PRKAR1A: variants seen among roughly 807,000 people sequenced by gnomAD.
The protein encoded by PRKAR1A is protein kinase cAMP-dependent type I regulatory subunit alpha.
Under a neutral mutation model 52.0 loss-of-function variants are expected in PRKAR1A, and 3 were observed. The ratio of observed to expected loss-of-function variants is 0.06; its 90% CI spans 0.03 to 0.15. The LOEUF (loss-of-function observed/expected upper bound fraction) is 0.15, where lower values mean the gene tolerates loss of function less well. Among genes scored for constraint, PRKAR1A ranks in the 10% least tolerant of loss-of-function variants. The probability of loss-of-function intolerance (pLI) is 1.00; values close to 1 mark genes in which losing one functional copy is unlikely to be tolerated. For synonymous variants in PRKAR1A, 188 were observed against 168.4 expected, an observed-to-expected ratio of 1.12 and a Z score of -0.90; for missense variants, 240 against 477.4, an observed-to-expected ratio of 0.50 and a Z score of 4.63.
chr17:68,442,408 T>C, the PRKAR1A span, among the ~76,000 whole-genome samples: 1 of 145,650 alleles, frequency 6.9e-6, no homozygotes, highest in East Asian at 2.0e-4. Context: ...AAGGTTGCAG[T>C]GAGCTGAGAT....
At chr17:68,530,087 TCTC>T (rs773095978) in intron 10 of PRKAR1A, 86 bp downstream of exon 10, 55 of 1,528,230 alleles carry the variant, frequency 3.6e-5, no homozygotes, top group Non-Finnish European at 4.7e-5. Context: ...AATTTTGTCT[TCTC>T]CTGAATTTTA....
chr17:68,460,901 G>A, the PRKAR1A span, among the ~76,000 whole-genome samples: 2 of 152,190 alleles, frequency 1.3e-5, no homozygotes, highest in South Asian at 2.1e-4. Flanking sequence ...CAAGGGCAAG[G>A]TTATAAATAA....
At chr17:68,525,254 C>A (rs1184530495) in intron 6 of PRKAR1A, among the ~76,000 whole-genome samples, 2 of 141,300 alleles carry the variant, frequency 1.4e-5, no homozygotes, top group Admixed American at 1.5e-4. Flanking sequence ...CCCAGGAGTT[C>A]AAGACCAGCC....
the PRKAR1A span, chr17:68,435,581 G>A: frequency 6.2e-6 from 10 of 1,600,316 alleles, no homozygotes; most frequent in Middle Eastern, 1.8e-4. Context: ...GAGCCATCCA[G>A]CGAAACCCAG....
intron 11 of PRKAR1A, among the ~76,000 whole-genome samples, chr17:68,550,675 C>T (rs898764460): frequency 1.3e-5 from 2 of 152,276 alleles, no homozygotes. Flanking sequence ...GCCATCGTGC[C>T]CAGCAGAGGA....
chr17:68,448,668 G>A, the PRKAR1A span, among the ~76,000 whole-genome samples: 11 of 152,202 alleles, frequency 7.2e-5, no homozygotes, highest in African/African-American at 7.2e-5. Context: ...TGAGGGTTCC[G>A]GTCTTTACAG....
upstream of PRKAR1A, among the ~76,000 whole-genome samples, chr17:68,507,931 T>C (rs1383385416): frequency 1.3e-5 from 2 of 152,234 alleles, no homozygotes; most frequent in Non-Finnish European, 2.9e-5. Flanking sequence ...TACCCAGTTA[T>C]TGGTCAAACA....
intron 2 of PRKAR1A, among the ~76,000 whole-genome samples, chr17:68,518,598 C>T (rs915210740): frequency 6.6e-6 from 1 of 152,222 alleles, no homozygotes; most frequent in Non-Finnish European, 1.5e-5. Flanking sequence ...ACAGGAGCCC[C>T]AGGGCATGGC....
the PRKAR1A span, among the ~76,000 whole-genome samples, chr17:68,458,635 G>A: frequency 2.0e-5 from 3 of 152,156 alleles, no homozygotes; most frequent in Non-Finnish European, 2.9e-5. Flanking sequence ...CAAAACTCAC[G>A]TAATTCGAGA....
the PRKAR1A span, among the ~76,000 whole-genome samples, chr17:68,492,524 A>G: frequency 6.6e-6 from 1 of 152,096 alleles, no homozygotes; most frequent in African/African-American, 2.4e-5. Flanking sequence ...GGAGAAGAAA[A>G]CTGTACAGGG....
the PRKAR1A span, among the ~76,000 whole-genome samples, chr17:68,504,444 C>T: frequency 5.3e-5 from 8 of 152,080 alleles, no homozygotes; most frequent in Admixed American, 2.0e-4. Context: ...TCCAGCCTGG[C>T]GACAGAGTGA....
chr17:68,426,537 A>G, the PRKAR1A span, among the ~76,000 whole-genome samples: 1 of 152,028 alleles, frequency 6.6e-6, no homozygotes, highest in African/African-American at 2.4e-5. Flanking sequence ...ATTTTAGTTT[A>G]GTTTTTATTT....
At position 68,531,144 on chromosome 17, in the gene PRKAR1A, C is replaced by T. The variant is rs769172352; in HGVS notation, c.*695C>T. On this transcript the variant is annotated 3_prime_UTR_variant, in exon 11 of 11. Coordinates refer to ENST00000589228, the MANE Select transcript of PRKAR1A (RefSeq NM_002734.5). ...TTTTGAGTATGGCTATCTATACCTGCCTTTTAAGTTTGAAACTAACTCATA... is the reference window on the plus strand; with the variant it reads ...TTTTGAGTATGGCTATCTATACCTGTCTTTTAAGTTTGAAACTAACTCATA... 55 of 1,065,776 alleles carry T rather than the reference C, an allele frequency of 5.2e-5. No homozygotes were observed. The highest frequency in any genetic ancestry group is 5.9e-5 in the Non-Finnish European group (52 of 879,350). 66.0% of individuals were successfully genotyped at this position (1,065,776 alleles called of 1,614,324 possible). A position where few individuals can be genotyped will look rare whatever the true frequency, so the allele number is the denominator to read the frequency against.
chr17:68,443,384 A>G, the PRKAR1A span, among the ~76,000 whole-genome samples: 1 of 152,166 alleles, frequency 6.6e-6, no homozygotes, highest in Admixed American at 6.5e-5. Context: ...ATGTGCTGCG[A>G]TTATAGGTGT....
chr17:68,442,991 C>G, the PRKAR1A span, among the ~76,000 whole-genome samples: 1 of 152,210 alleles, frequency 6.6e-6, no homozygotes, highest in Non-Finnish European at 1.5e-5. Context: ...AAAAACTTAC[C>G]ACCCACAGCT....
chr17:68,506,091 C>T, the PRKAR1A span, among the ~76,000 whole-genome samples: 1 of 152,354 alleles, frequency 6.6e-6, no homozygotes, highest in South Asian at 2.1e-4. Context: ...CCTATGGCCA[C>T]TTTTGTGATA....
chr17:68,517,635 C>G (rs2085474828), intron 2 of PRKAR1A, among the ~76,000 whole-genome samples: 1 of 152,208 alleles, frequency 6.6e-6, no homozygotes, highest in Admixed American at 6.5e-5. Context: ...AGGTCCCTCT[C>G]AGGGCACATA....
At chr17:68,507,529 C>T (rs981161988), upstream of PRKAR1A, among the ~76,000 whole-genome samples, 4 of 152,122 alleles carry the variant, frequency 2.6e-5, no homozygotes, top group Non-Finnish European at 5.9e-5. Flanking sequence ...TCAGCTAATG[C>T]GTGTGGGTCT....
At chr17:68,537,686 G>C (rs750525198), downstream of PRKAR1A, 2 of 1,613,592 alleles carry the variant, frequency 1.2e-6, no homozygotes, top group Admixed American at 1.7e-5. This position sits in a 1 kb window ranked among gnomAD's most constrained non-coding sequence, Gnocchi z 4.2. Context: ...ACATCGCTGA[G>C]TCTGTAGTCA....
Sources: allele counts gnomAD v4.1 joint callset (sites outside exome capture counted in the v4.1 genomes callset), GRCh38; gene constraint gnomAD v4.1.1; non-coding constraint Gnocchi (gnomAD v3.1); transcripts MANE v1.5; gene names NCBI Gene and HGNC (gene_info 2026-07-23, HGNC 2026-07-21).